Variants in BICRA observed in about 807,000 individuals in gnomAD.
BICRA encodes BRD4 interacting chromatin remodeling complex associated protein, also known as BRD4-interacting chromatin-remodeling complex-associated protein.
A neutral mutation model predicts 96.9 loss-of-function variants in BICRA; 31 were observed. That is an observed-to-expected ratio of 0.32 (90% CI 0.24 to 0.43). BICRA has a LOEUF of 0.43. Ranked by LOEUF, BICRA falls within the 20% of genes least tolerant of loss-of-function variation. The probability of loss-of-function intolerance (pLI) is 1.00; values close to 1 mark genes in which losing one functional copy is unlikely to be tolerated. For synonymous variants in BICRA, 1,350 were observed against 1,071.8 expected (o/e 1.26, Z -5.07); for missense variants, 2,283 against 2,190.3 (o/e 1.04, Z -0.84).
chr19:47,699,471 T>TA lies in BICRA; in HGVS notation c.3595+67dup, dbSNP rs776380741. 23 of 927,378 alleles carry TA rather than the reference T, an allele frequency of 2.5e-5. No homozygotes were observed. Among genetic ancestry groups the TA allele is most frequent in the Non-Finnish European group, 3.6e-5 (21 of 580,986 alleles). The allele number at this position is 927,378 out of a possible 1,614,324, so 57.4% of individuals were successfully genotyped here. A position where few individuals can be genotyped will look rare whatever the true frequency, so the allele number is the denominator to read the frequency against. On this transcript the variant is annotated intron_variant, in intron 14 of 14. Transcript: ENST00000594866. This position sits in a 1 kb window ranked among gnomAD's most constrained non-coding sequence, Gnocchi z 5.0. ...CCCCACCCCACCTGGGCAGAAGAGT[T>TA]AGATTCAGGGCGGGGAGTGGGTGTG...
intron 11 of BICRA, among the ~76,000 whole-genome samples, chr19:47,697,127 CT>C (rs1973358275): frequency 6.6e-6 from 1 of 152,070 alleles, no homozygotes; most frequent in Admixed American, 6.6e-5. Flanking sequence ...CTGCCCCAGC[CT>C]CCCAAGTAGC....
intron 2 of BICRA, among the ~76,000 whole-genome samples, chr19:47,672,706 C>G (rs1972885449): frequency 6.6e-6 from 1 of 151,888 alleles, no homozygotes. Context: ...TAAATAAATA[C>G]AGAGAACACC....
At position 47,682,044 on chromosome 19, in the gene BICRA, C is replaced by T. The variant is rs1008500993; in HGVS notation, c.2175C>T (p.Ser725=). 21 of 1,554,160 alleles carry T rather than the reference C, an allele frequency of 1.4e-5. No homozygotes were observed. The highest frequency in any genetic ancestry group is 1.1e-4 in the African/African-American group (8 of 73,422). The change falls in exon 7 of 15, where the codon AGC becomes AGT. Residue 725 remains serine (S), a synonymous_variant. Transcript: ENST00000594866. ...CCGTGCCTGCCTCGGTCATAGTCAG[C>T]GCCCCGCCTCCCGCCCAAGACCCAG... ...HLSVPASVIV[S]APPPAQDPAP...
chr19:47,615,245 G>A (rs983947989), intron 1 of BICRA, among the ~76,000 whole-genome samples: 1 of 152,232 alleles, frequency 6.6e-6, no homozygotes, highest in African/African-American at 2.4e-5. Context: ...GCCTCCCAAT[G>A]TGCTGGGATT....
chr19:47,664,296 CA>C (rs1476797015), intron 1 of BICRA, among the ~76,000 whole-genome samples: 1 of 152,178 alleles, frequency 6.6e-6, no homozygotes, highest in Non-Finnish European at 1.5e-5. Flanking sequence ...CTCCTGATGA[CA>C]GCGCAAAACT....
chr19:47,679,816 G>C lies in BICRA; in HGVS notation c.646G>C (p.Gly216Arg). ...VTLQPIPGLQ[G>R]LPNGSPGGAT... ...ACTGCAGCCCATCCCGGGCCTCCAA[G>C]GCCTGCCCAATGGCAGCCCTGGGGG... Residue 216 changes from glycine (G) to arginine (R), a missense_variant, in exon 6 of 15, where the codon GGC becomes CGC. Transcript: ENST00000594866. The C allele has an allele frequency of 1.3e-6, 2 of 1,487,002 alleles. No individual in the cohort carries two copies. The highest frequency in any genetic ancestry group is 1.8e-6 in the Non-Finnish European group (2 of 1,121,628). 92.1% of individuals were successfully genotyped at this position (1,487,002 alleles called of 1,614,324 possible).
At chr19:47,608,827 G>A (rs1971847404), upstream of BICRA, among the ~76,000 whole-genome samples, 1 of 150,814 alleles carries the variant, frequency 6.6e-6, no homozygotes, top group African/African-American at 2.4e-5. Flanking sequence ...TCCGGCGAGG[G>A]CGGAGGGAAG....
At chr19:47,678,551 G>A (rs965023516) in intron 5 of BICRA, among the ~76,000 whole-genome samples, 1 of 152,134 alleles carries the variant, frequency 6.6e-6, no homozygotes, top group African/African-American at 2.4e-5. Flanking sequence ...CTGAGGCCTG[G>A]GGCCACCACC....
Position 47,702,204 on chromosome 19 carries a change from G to T in BICRA, c.4472G>T (p.Ser1491Ile). 1 of 1,595,366 alleles carries T rather than the reference G, an allele frequency of 6.3e-7. No individual in the cohort carries two copies. Among genetic ancestry groups the T allele is most frequent in the Non-Finnish European group, 8.5e-7 (1 of 1,176,306 alleles). Residue 1491 changes from serine (S) to isoleucine (I), a missense_variant, in exon 15 of 15, where the codon AGC becomes ATC. By Grantham distance (142) the Ser-to-Ile change is moderately radical. Coordinates refer to ENST00000594866, the MANE Select transcript of BICRA (RefSeq NM_001394372.1). ...GACCAGGCCAGCTTCTCCAGCGACA[G>T]CCCGCAGGATGACACGCTCACCGAG... Reference protein sequence around the residue: ...DVDQASFSSDSPQDDTLTEHL... With the variant: ...DVDQASFSSDIPQDDTLTEHL...
At position 47,679,998 on chromosome 19, in the gene BICRA, G is replaced by T. The variant is rs759406873; in HGVS notation, c.828G>T (p.Ala276=). 116 of 1,485,786 alleles carry T rather than the reference G, an allele frequency of 7.8e-5. 2 individuals carry two copies. In the South Asian group the frequency reaches 1.3e-3, roughly 16 times the overall value. 92.0% of individuals were successfully genotyped at this position (1,485,786 alleles called of 1,614,324 possible). ...AAGPSEPVTL[A]SAGVSPQGAG... is the part of the protein sequence containing the mutation. ...GCCCCTCGGAGCCCGTGACGCTGGCGTCGGCCGGTGTCTCGCCACAGGGGG... is the reference window on the plus strand; with the variant it reads ...GCCCCTCGGAGCCCGTGACGCTGGCTTCGGCCGGTGTCTCGCCACAGGGGG... The change falls in exon 6 of 15, where the codon GCG becomes GCT. Residue 276 remains alanine, a synonymous_variant. Coordinates refer to ENST00000594866, the MANE Select transcript of BICRA (RefSeq NM_001394372.1).
intron 1 of BICRA, among the ~76,000 whole-genome samples, chr19:47,616,411 C>T (rs1035524813): frequency 3.3e-5 from 5 of 152,054 alleles, no homozygotes; most frequent in African/African-American, 7.2e-5. Flanking sequence ...CCAAGGCAGG[C>T]GGATCACTTG....
At chr19:47,634,108 A>G (rs1163354896) in intron 1 of BICRA, among the ~76,000 whole-genome samples, 1 of 151,890 alleles carries the variant, frequency 6.6e-6, no homozygotes, top group Non-Finnish European at 1.5e-5. Context: ...CTTGTGTTTT[A>G]TTGTATTTAC....
rs147795680 is a variant in BICRA at position 47,639,107 on chromosome 19, G to A, written c.-108+29939G>A. On this transcript the variant is annotated intron_variant, in intron 1 of 14. Coordinates refer to ENST00000594866, the MANE Select transcript of BICRA (RefSeq NM_001394372.1). ...CAACCTCCACCTCCTGGGCTCAAGT[G>A]ATCCTCCCATCTCAGCCTCCTGAGT... 3.7e-3 allele frequency among the ~76,000 whole-genome samples: 566 copies of A among 151,592 alleles called. 4 individuals carry two copies. Among genetic ancestry groups the A allele is most frequent in the East Asian group, 0.033 (168 of 5,102 alleles).
At position 47,701,014 on chromosome 19, in the gene BICRA, G is replaced by GAGTT; in HGVS notation, c.3596-314_3596-313insAGTT. 1 of 414,722 alleles carries GAGTT rather than the reference G, an allele frequency of 2.4e-6. No homozygotes were observed. Among genetic ancestry groups the GAGTT allele is most frequent in the East Asian group, 5.1e-5 (1 of 19,540 alleles). 25.7% of individuals were successfully genotyped at this position (414,722 alleles called of 1,614,324 possible). A position where few individuals can be genotyped will look rare whatever the true frequency, so the allele number is the denominator to read the frequency against. ...GCAGGTCTCAAACTCCTGGGCTCAA[G>GAGTT]CGATCCCCCTCCCTTGGCCTCCCAA... is the stretch of plus-strand genomic sequence containing the variant. On this transcript the variant is annotated intron_variant, in intron 14 of 14. Coordinates refer to ENST00000594866, the MANE Select transcript of BICRA (RefSeq NM_001394372.1). The surrounding 1 kb of genome is among the most constrained non-coding windows in gnomAD (Gnocchi z 5.4).
At chr19:47,681,345 C>T (rs1469580182) in intron 6 of BICRA, 69 bp downstream of exon 6, 19 of 1,392,606 alleles carry the variant, frequency 1.4e-5, no homozygotes, top group East Asian at 7.5e-5. Flanking sequence ...GGTCCTGGGG[C>T]GAGGCGCCAA....
At chr19:47,660,393 C>G (rs1054894975) in intron 1 of BICRA, among the ~76,000 whole-genome samples, 1 of 152,202 alleles carries the variant, frequency 6.6e-6, no homozygotes, top group Non-Finnish European at 1.5e-5. Context: ...CATTGTTAAT[C>G]TAATTATGTC....
intron 1 of BICRA, chr19:47,663,890 T>TTCCATTCCAC (rs1215267892): frequency 6.6e-6 from 1 of 151,894 alleles, no homozygotes; most frequent in Non-Finnish European, 1.5e-5. Flanking sequence ...TTCCATTCCA[T>TTCCATTCCAC]TCCATGCATT....
At position 47,698,593 on chromosome 19, in the gene BICRA, C is replaced by T. The variant is rs367826721; in HGVS notation, c.3249-41C>T. The T allele has an allele frequency of 3.3e-6, 3 of 896,714 alleles. No homozygotes were observed. Among genetic ancestry groups the T allele is most frequent in the Admixed American group, 3.5e-5 (2 of 56,718 alleles). 55.5% of individuals were successfully genotyped at this position (896,714 alleles called of 1,614,324 possible). A position where few individuals can be genotyped will look rare whatever the true frequency, so the allele number is the denominator to read the frequency against. On this transcript the variant is annotated intron_variant, in intron 11 of 14. Transcript: ENST00000594866. The surrounding 1 kb of genome is among the most constrained non-coding windows in gnomAD (Gnocchi z 4.8). Reference sequence around the variant, plus strand: ...TCCCCTGGCCCTCACCCGTCCCCCCCACCCTCCGCCGTGTGTGGTCTCTCC... The same window carrying T: ...TCCCCTGGCCCTCACCCGTCCCCCCTACCCTCCGCCGTGTGTGGTCTCTCC...
At chr19:47,696,323 G>A in intron 10 of BICRA, 128 bp from the exon 11 acceptor site, 2 of 796,900 alleles carry the variant, frequency 2.5e-6, no homozygotes, top group Non-Finnish European at 4.0e-6. Flanking sequence ...CTGTAGCTGG[G>A]GCCAGGCCCC....
Sources: gnomAD v4.1 joint callset for allele counts (sites outside exome capture counted in the v4.1 genomes callset) on GRCh38, gnomAD v4.1.1 for gene constraint, Gnocchi (gnomAD v3.1) non-coding constraint, MANE v1.5 for transcripts, NCBI Gene and HGNC (gene_info 2026-07-23, HGNC 2026-07-21) for gene names.